The following PRKACB variants were observed in gnomAD, a reference collection of about 807,000 sequenced individuals.
PRKACB encodes cAMP-dependent protein kinase catalytic subunit beta.
A neutral mutation model predicts 51.4 loss-of-function variants in PRKACB; 16 were observed. The ratio of observed to expected loss-of-function variants is 0.31; its 90% CI spans 0.21 to 0.47. PRKACB has a LOEUF of 0.47. Among genes scored for constraint, PRKACB ranks in the 20% least tolerant of loss-of-function variants. The probability of loss-of-function intolerance (pLI) is 1.00; values close to 1 mark genes in which losing one functional copy is unlikely to be tolerated. For missense variants in PRKACB, 309 were observed against 464.5 expected (o/e 0.67, Z 3.08); for synonymous variants, 147 against 154.4 (o/e 0.95, Z 0.35).
At chr1:84,111,972 G>A (rs1416428704) in intron 1 of PRKACB, among the ~76,000 whole-genome samples, 4 of 151,998 alleles carry the variant, frequency 2.6e-5, no homozygotes, top group Non-Finnish European at 4.4e-5. Context: ...TAGTCAAGAA[G>A]ACTAATTATG....
intron 9 of PRKACB, among the ~76,000 whole-genome samples, chr1:84,217,980 A>C (rs1166895144): frequency 6.6e-6 from 1 of 152,186 alleles, no homozygotes; most frequent in African/African-American, 2.4e-5. Flanking sequence ...TTAAATTAAT[A>C]TATACATCTG....
intron 9 of PRKACB, among the ~76,000 whole-genome samples, chr1:84,222,168 A>T (rs1414674522): frequency 2.0e-5 from 3 of 152,076 alleles, no homozygotes; most frequent in African/African-American, 4.8e-5. Context: ...TTATCATTAT[A>T]TTATGACCTT....
intron 1 of PRKACB, among the ~76,000 whole-genome samples, chr1:84,167,171 T>C (rs1657776997): frequency 6.6e-6 from 1 of 151,642 alleles, no homozygotes; most frequent in Non-Finnish European, 1.5e-5. Context: ...ACTGCATTAC[T>C]GGTCTCCCAG....
At chr1:84,120,712 A>G (rs959288345) in intron 1 of PRKACB, among the ~76,000 whole-genome samples, 2 of 152,150 alleles carry the variant, frequency 1.3e-5, no homozygotes, top group Non-Finnish European at 2.9e-5. Context: ...GAAAAAATTT[A>G]TAACTGACAA....
At chr1:84,161,226 T>C (rs988064221) in intron 1 of PRKACB, among the ~76,000 whole-genome samples, 28 of 152,026 alleles carry the variant, frequency 1.8e-4, no homozygotes, top group Middle Eastern at 6.8e-3. Flanking sequence ...GTCCCTTTTG[T>C]CTCATAATTT....
chr1:84,078,287 C>A (rs199581787), exon 1 of PRKACB: 15 of 1,582,982 alleles, frequency 9.5e-6, no homozygotes, highest in South Asian at 8.0e-5. Flanking sequence ...CCCCAGCCCC[C>A]CTTCCCTTCC....
chr1:84,152,336 A>G (rs529023949), intron 1 of PRKACB, among the ~76,000 whole-genome samples: 2 of 152,290 alleles, frequency 1.3e-5, no homozygotes, highest in African/African-American at 4.8e-5. Flanking sequence ...TAAATGGTAA[A>G]TGAATATTGG....
intron 1 of PRKACB, chr1:84,164,948 T>G: frequency 6.5e-7 from 1 of 1,537,566 alleles, no homozygotes; most frequent in South Asian, 1.2e-5. Context: ...TTAGCATAAC[T>G]CCCTTTGCTG....
chr1:84,164,084 T>G (rs1656664398), intron 1 of PRKACB, among the ~76,000 whole-genome samples: 1 of 152,078 alleles, frequency 6.6e-6, no homozygotes, highest in African/African-American at 2.4e-5. Context: ...TGACACTGTT[T>G]GTAATGCTGA....
intron 5 of PRKACB, among the ~76,000 whole-genome samples, chr1:84,185,628 TCTC>T (rs1214066743): frequency 1.3e-5 from 2 of 151,980 alleles, no homozygotes; most frequent in Non-Finnish European, 2.9e-5. Context: ...CAAATTTAAT[TCTC>T]CTTAAAGTTC....
intron 1 of PRKACB, among the ~76,000 whole-genome samples, chr1:84,114,631 G>T (rs987016703): frequency 6.6e-6 from 1 of 152,016 alleles, no homozygotes; most frequent in Non-Finnish European, 1.5e-5. Flanking sequence ...CCATTTTACT[G>T]TATGGTTGTA....
At chr1:84,116,344 C>A (rs532089243) in intron 1 of PRKACB, among the ~76,000 whole-genome samples, 1 of 152,136 alleles carries the variant, frequency 6.6e-6, no homozygotes, top group South Asian at 2.1e-4. Flanking sequence ...TTAGGTTGCA[C>A]ATGAATTTTA....
At chr1:84,140,038 C>T (rs1046800316), upstream of PRKACB, among the ~76,000 whole-genome samples, 18 of 151,660 alleles carry the variant, frequency 1.2e-4, no homozygotes, top group East Asian at 5.8e-4. Context: ...CCAGCCTGGG[C>T]GACAGACTGA....
chr1:84,199,688 G>A (rs560352170), intron 7 of PRKACB, among the ~76,000 whole-genome samples: 145 of 152,186 alleles, frequency 9.5e-4, no homozygotes, highest in African/African-American at 3.2e-3. Context: ...TTGCTGGGTC[G>A]AATGGTAGTT....
intron 9 of PRKACB, among the ~76,000 whole-genome samples, chr1:84,220,490 T>G (rs1673537215): frequency 6.6e-6 from 1 of 152,226 alleles, no homozygotes; most frequent in East Asian, 1.9e-4. Flanking sequence ...TGAATAGGAG[T>G]GGTGAAAGTG....
At chr1:84,234,505 C>T (rs993082895) in intron 9 of PRKACB, among the ~76,000 whole-genome samples, 3 of 152,260 alleles carry the variant, frequency 2.0e-5, no homozygotes, top group Non-Finnish European at 2.9e-5. Context: ...GGGCGCCCCT[C>T]CCCCAGCCTC....
intron 1 of PRKACB, chr1:84,173,263 G>A: frequency 1.6e-6 from 2 of 1,284,418 alleles, no homozygotes; most frequent in Non-Finnish European, 2.2e-6. Flanking sequence ...ATGTATAGAT[G>A]GGTAACTTCT....
chr1:84,097,313 AGT>A (rs1330744740), intron 1 of PRKACB, among the ~76,000 whole-genome samples: 1 of 147,786 alleles, frequency 6.8e-6, no homozygotes, highest in African/African-American at 2.7e-5. Flanking sequence ...ATTAGTAGAT[AGT>A]ATCTACATTA....
chr1:84,164,803 A>T, intron 1 of PRKACB: 1 of 1,383,642 alleles, frequency 7.2e-7, no homozygotes. Flanking sequence ...TTTACTAGTG[A>T]TATCTCATGC....
Sources: gnomAD v4.1 joint callset for allele counts (sites outside exome capture counted in the v4.1 genomes callset) on GRCh38, gnomAD v4.1.1 for gene constraint, MANE v1.5 for transcripts, NCBI Gene and HGNC (gene_info 2026-07-23, HGNC 2026-07-21) for gene names.